The following OSCP1 variants were observed in gnomAD, a reference collection of about 807,000 sequenced individuals.
OSCP1 encodes organic solute carrier partner 1, also known as protein OSCP1.
A neutral mutation model predicts 45.1 loss-of-function variants in OSCP1; 35 were observed. The ratio of observed to expected loss-of-function variants is 0.78; its 90% CI spans 0.59 to 1.03. The LOEUF is 1.03. Among genes scored for constraint, OSCP1 ranks in the 50% least tolerant of loss-of-function variants. The probability of loss-of-function intolerance (pLI) is 0.00; values close to 1 mark genes in which losing one functional copy is unlikely to be tolerated. For synonymous variants in OSCP1, 179 were observed against 180.1 expected (o/e 0.99, Z 0.05); for missense variants, 400 against 470.7 (o/e 0.85, Z 1.39).
At chr1:36,437,628 C>G (rs1648835433) in intron 2 of OSCP1, among the ~76,000 whole-genome samples, 1 of 152,130 alleles carries the variant, frequency 6.6e-6, no homozygotes. Context: ...AAGTGATTCT[C>G]CTGCCTCAGC....
chr1:36,420,256 G>A (rs1231657359), intron 8 of OSCP1: 4 of 510,246 alleles, frequency 7.8e-6, no homozygotes, highest in East Asian at 8.1e-5. Context: ...GACTACGGGC[G>A]TGAGCCACTG....
Position 36,422,143 on chromosome 1 carries a change from A to C in OSCP1, c.819+7T>G. 1 of 1,613,102 alleles carries C rather than the reference A, an allele frequency of 6.2e-7. No individual in the cohort carries two copies. The highest frequency in any genetic ancestry group is 1.7e-4 in the Middle Eastern group (1 of 6,060). ...TGTGAGGGTAGGCAAGGAAGGCAGA[A>C]GCTCACCTGGGTCCATGAGGCTAAG... On this transcript the variant is annotated splice_region_variant and intron_variant, in intron 7 of 9. Coordinates refer to ENST00000235532, the MANE Select transcript of OSCP1 (RefSeq NM_145047.5).
intron 4 of OSCP1, among the ~76,000 whole-genome samples, chr1:36,426,267 C>T (rs931675413): frequency 1.3e-5 from 2 of 152,182 alleles, no homozygotes; most frequent in Non-Finnish European, 2.9e-5. Context: ...ATGTGTGTGT[C>T]TGTGTTTGGC....
chr1:36,423,178 C>G (rs976669948), intron 5 of OSCP1, among the ~76,000 whole-genome samples, 185 bp downstream of exon 5: 4 of 152,148 alleles, frequency 2.6e-5, no homozygotes, highest in Non-Finnish European at 4.4e-5. Context: ...GGTAACTTGC[C>G]TCAAGTCCCT....
intron 9 of OSCP1, 62 bp downstream of exon 9, chr1:36,418,926 CAAG>C (rs1557544189): frequency 1.8e-3 from 2,295 of 1,259,466 alleles, no homozygotes; most frequent in East Asian, 4.0e-3. Context: ...GACCCTGTCT[CAAG>C]AAAAAAAAAA....
intron 2 of OSCP1, among the ~76,000 whole-genome samples, chr1:36,436,472 C>T (rs1017935159): frequency 6.6e-6 from 1 of 151,984 alleles, no homozygotes; most frequent in Non-Finnish European, 1.5e-5. Context: ...AACTCCTGGG[C>T]TCAAGCGATC....
At chr1:36,423,074 T>C (rs1238719073) in intron 5 of OSCP1, among the ~76,000 whole-genome samples, 178 bp from the exon 6 acceptor site, 1 of 152,190 alleles carries the variant, frequency 6.6e-6, no homozygotes, top group Non-Finnish European at 1.5e-5. Context: ...CATATGTATG[T>C]GCCAATTGCT....
chr1:36,423,067 A>G (rs1647749352), intron 5 of OSCP1, among the ~76,000 whole-genome samples, 171 bp from the exon 6 acceptor site: 1 of 152,158 alleles, frequency 6.6e-6, no homozygotes, highest in Non-Finnish European at 1.5e-5. Context: ...TATTGAGCAT[A>G]TGTATGTGCC....
At chr1:36,425,264 G>C (rs1304676764) in intron 4 of OSCP1, among the ~76,000 whole-genome samples, 1 of 151,928 alleles carries the variant, frequency 6.6e-6, no homozygotes, top group African/African-American at 2.4e-5. Context: ...CTGGCAGCTT[G>C]GCATACTGAT....
rs761175067 is a variant in OSCP1, at chr1:36,443,985, C to A, written c.113-5075G>T. On this transcript the variant is annotated intron_variant, in intron 1 of 9. Coordinates refer to ENST00000235532, the MANE Select transcript of OSCP1 (RefSeq NM_145047.5). ...CCTGTGGATGCACACTGAACACATGCAGCCCGGAGATAGCATACCTCGTTT... is the reference window on the plus strand; with the variant it reads ...CCTGTGGATGCACACTGAACACATGAAGCCCGGAGATAGCATACCTCGTTT... The A allele has an allele frequency of 3.1e-6, 5 of 1,611,644 alleles. No homozygotes were observed. The South Asian group carries it at 5.5e-5, about 18-fold the overall frequency.
At chr1:36,432,888 G>A (rs182172051) in intron 2 of OSCP1, among the ~76,000 whole-genome samples, 9 of 152,300 alleles carry the variant, frequency 5.9e-5, no homozygotes, top group Admixed American at 4.6e-4. Context: ...GGCAGCAGCG[G>A]AGTCCCAAAG....
chr1:36,448,572 G>C (rs1206308927), intron 1 of OSCP1, among the ~76,000 whole-genome samples: 1 of 152,216 alleles, frequency 6.6e-6, no homozygotes. Flanking sequence ...GTACTGAGGA[G>C]CAGGCATGGG....
At position 36,438,089 on chromosome 1, in the gene OSCP1, G is replaced by A. The variant is rs368389451; in HGVS notation, c.267+667C>T. On this transcript the variant is annotated intron_variant, in intron 2 of 9. Coordinates refer to ENST00000235532, the MANE Select transcript of OSCP1 (RefSeq NM_145047.5). The stretch of plus-strand genomic sequence containing the variant: ...TCCCAGCACTTTGGGAGGCCAAGGC[G>A]GGTGGATCACCTGAGGTTGGGAGTT... 9.2e-5 allele frequency among the ~76,000 whole-genome samples: 14 copies of A among 152,122 alleles called. No individual in the cohort carries two copies. The East Asian group carries it at 1.8e-3, about 19-fold the overall frequency.
chr1:36,434,488 G>A (rs1648580219), intron 2 of OSCP1, among the ~76,000 whole-genome samples: 2 of 152,112 alleles, frequency 1.3e-5, no homozygotes, highest in African/African-American at 2.4e-5. Context: ...AGTGGCTCAC[G>A]CCTGTTATCC....
intron 6 of OSCP1, 32 bp from the exon 7 acceptor site, chr1:36,422,251 C>T (rs1647686429): frequency 6.3e-7 from 1 of 1,592,554 alleles, no homozygotes; most frequent in Admixed American, 1.7e-5. Context: ...GTGACATTAT[C>T]CAGCCCCTTT....
At chr1:36,441,194 A>G (rs1359183839) in intron 1 of OSCP1, among the ~76,000 whole-genome samples, 1 of 152,094 alleles carries the variant, frequency 6.6e-6, no homozygotes, top group Non-Finnish European at 1.5e-5. Context: ...GCCCCCAAAG[A>G]GGAAATGGCA....
intron 2 of OSCP1, among the ~76,000 whole-genome samples, chr1:36,435,095 T>C (rs187542364): frequency 0.062 from 7,384 of 118,536 alleles, 571 homozygotes; most frequent in African/African-American, 0.19. Flanking sequence ...CTTTTTCTTT[T>C]TTTTTTTTTT....
chr1:36,422,593 C>T (rs1323091728), intron 6 of OSCP1, among the ~76,000 whole-genome samples, 175 bp downstream of exon 6: 1 of 152,084 alleles, frequency 6.6e-6, no homozygotes, highest in Non-Finnish European at 1.5e-5. Flanking sequence ...TTATGTTTGG[C>T]GTTCCTGGGT....
chr1:36,438,960 A>G, intron 1 of OSCP1, 50 bp from the exon 2 acceptor site: 1 of 1,582,898 alleles, frequency 6.3e-7, no homozygotes, highest in Non-Finnish European at 8.6e-7. Flanking sequence ...AAGCAAGCCT[A>G]TCCCGAAATG....
Sources: gnomAD v4.1 joint callset for allele counts (sites outside exome capture counted in the v4.1 genomes callset) on GRCh38, gnomAD v4.1.1 for gene constraint, MANE v1.5 for transcripts, NCBI Gene and HGNC (gene_info 2026-07-23, HGNC 2026-07-21) for gene names.